DSCAML1: variants seen among roughly 807,000 people sequenced by gnomAD.
The protein encoded by DSCAML1 is DS cell adhesion molecule like 1.
DSCAML1 carries 38 observed loss-of-function variants against 200.5 expected under a neutral mutation model. That is an observed-to-expected ratio of 0.19 (90% CI 0.15 to 0.25). The LOEUF is 0.25. Ranked by LOEUF, DSCAML1 falls within the 10% of genes least tolerant of loss-of-function variation. The probability of loss-of-function intolerance (pLI) is 1.00; values close to 1 mark genes in which losing one functional copy is unlikely to be tolerated. For synonymous variants in DSCAML1, 1,215 were observed against 1,165.0 expected (o/e 1.04, Z -0.87); for missense variants, 2,223 against 2,858.8 (o/e 0.78, Z 5.07).
chr11:117,511,567 AGACAAATACCAGCCATCCCTG>A lies in DSCAML1; in HGVS notation c.1783+4879_1783+4899del, dbSNP rs1166749638. Among the ~76,000 whole-genome samples the A allele has an allele frequency of 6.6e-5, 10 of 152,248 alleles. No individual in the cohort carries two copies. The Middle Eastern group carries it at 0.014, about 207-fold the overall frequency. Reference sequence around the variant, plus strand: ...GCCAAGGATTTCTCCGGATGACCAGAGACAAATACCAGCCATCCCTGCAGCCTGGCTCTCCACTGCCAGCCA... The same window carrying A: ...GCCAAGGATTTCTCCGGATGACCAGACAGCCTGGCTCTCCACTGCCAGCCA... On this transcript the variant is annotated intron_variant, in intron 8 of 32. Transcript: ENST00000651296.
At chr11:117,623,250 C>G (rs1422023198) in intron 3 of DSCAML1, among the ~76,000 whole-genome samples, 1 of 120,526 alleles carries the variant, frequency 8.3e-6, no homozygotes, top group South Asian at 2.6e-4. Flanking sequence ...GAGTTTTGCT[C>G]TGTCACTCAG....
chr11:117,508,857 C>T (rs11216432), intron 8 of DSCAML1, among the ~76,000 whole-genome samples: 17,550 of 152,118 alleles, frequency 0.12, 1,538 homozygotes, highest in African/African-American at 0.25. Context: ...AGGCCAGAGC[C>T]AGTGGATAGA....
At chr11:117,787,413 TCTG>T (rs1340033544) in intron 1 of DSCAML1, among the ~76,000 whole-genome samples, 1 of 150,716 alleles carries the variant, frequency 6.6e-6, no homozygotes, top group Non-Finnish European at 1.5e-5. Context: ...ACTGCTCACC[TCTG>T]ATGATAATAA....
chr11:117,435,861 C>G, intron 26 of DSCAML1, 62 bp from the exon 27 acceptor site: 1 of 1,538,224 alleles, frequency 6.5e-7, no homozygotes, highest in Non-Finnish European at 8.9e-7. Context: ...TGCAGAACAT[C>G]TCATGGGTGG....
At chr11:117,540,141 A>G (rs1176478298) in intron 3 of DSCAML1, among the ~76,000 whole-genome samples, 1 of 152,078 alleles carries the variant, frequency 6.6e-6, no homozygotes, top group Non-Finnish European at 1.5e-5. Context: ...GAAAAGGGGG[A>G]GTTGTTTAAT....
chr11:117,807,501 C>T (rs555870958), intron 1 of DSCAML1, among the ~76,000 whole-genome samples: 1 of 152,278 alleles, frequency 6.6e-6, no homozygotes, highest in African/African-American at 2.4e-5. Context: ...AGAGATTCAC[C>T]GCACTTCTCA....
Position 117,450,574 on chromosome 11 carries a change from CAGA to C in DSCAML1, c.3680_3682del (p.Phe1227del). ...CGGCTGGCCAGACCCGGGGCTGGAA[CAGA>C]AGATGGTGTACTTGCGGATCACCCC... is the stretch of plus-strand genomic sequence containing the variant. On this transcript the variant is annotated inframe_deletion, in exon 20 of 33. Transcript: ENST00000651296. 1 of 1,614,160 alleles carries C rather than the reference CAGA, an allele frequency of 6.2e-7. No homozygotes were observed. The highest frequency in any genetic ancestry group is 8.5e-7 in the Non-Finnish European group (1 of 1,180,024).
chr11:117,798,169 A>C (rs1011705403), upstream of DSCAML1, among the ~76,000 whole-genome samples: 1 of 152,256 alleles, frequency 6.6e-6, no homozygotes, highest in Non-Finnish European at 1.5e-5. Flanking sequence ...AGAATGGCCT[A>C]TGAGCCAGGA....
intron 1 of DSCAML1, among the ~76,000 whole-genome samples, chr11:117,811,900 G>C (rs1251255825): frequency 1.3e-5 from 2 of 152,080 alleles, no homozygotes; most frequent in African/African-American, 4.8e-5. Context: ...TGTTTCCCTT[G>C]CCTCCATAAC....
chr11:117,439,227 C>A, intron 23 of DSCAML1, 39 bp downstream of exon 23: 1 of 1,609,170 alleles, frequency 6.2e-7, no homozygotes, highest in South Asian at 1.1e-5. Flanking sequence ...TTCTCCATCC[C>A]TGTCCCCACC....
intron 3 of DSCAML1, among the ~76,000 whole-genome samples, chr11:117,640,497 T>A (rs545769074): frequency 4.6e-5 from 7 of 152,340 alleles, no homozygotes; most frequent in Middle Eastern, 3.4e-3. Flanking sequence ...AAAGCCAGCC[T>A]CTGGGTTCTG....
At chr11:117,759,195 C>T (rs1355512701) in intron 3 of DSCAML1, among the ~76,000 whole-genome samples, 1 of 152,112 alleles carries the variant, frequency 6.6e-6, no homozygotes, top group Non-Finnish European at 1.5e-5. Context: ...TAAGAAATAC[C>T]CAGGGCATTA....
At position 117,548,578 on chromosome 11, in the gene DSCAML1, G is replaced by A. The variant is rs114189868; in HGVS notation, c.512-16056C>T. 2.4e-3 allele frequency among the ~76,000 whole-genome samples: 366 copies of A among 152,350 alleles called. 1 individual carries two copies. The highest frequency in any genetic ancestry group is 8.6e-3 in the African/African-American group (356 of 41,578). ...GGCCTCAAGTTCCACATTTGGACGG[G>A]GTCATCTTTGTATTCCTAGGTGGGA... On this transcript the variant is annotated intron_variant, in intron 3 of 32. Transcript: ENST00000651296.
chr11:117,477,009 C>T (rs895005007), intron 14 of DSCAML1, among the ~76,000 whole-genome samples: 1 of 152,106 alleles, frequency 6.6e-6, no homozygotes, highest in Non-Finnish European at 1.5e-5. Flanking sequence ...TATGTCATCA[C>T]ACTCCCCAAA....
chr11:117,749,144 G>A (rs73585240), intron 3 of DSCAML1, among the ~76,000 whole-genome samples: 1 of 152,132 alleles, frequency 6.6e-6, no homozygotes. Flanking sequence ...AGAACTACCA[G>A]CTCCTCCTCC....
chr11:117,456,390 A>C (rs2048368969), intron 19 of DSCAML1, among the ~76,000 whole-genome samples: 1 of 152,250 alleles, frequency 6.6e-6, no homozygotes. Flanking sequence ...AAAGCTTCCT[A>C]ACAGACACAA....
chr11:117,450,402 G>T, intron 20 of DSCAML1, 147 bp downstream of exon 20: 1 of 1,127,180 alleles, frequency 8.9e-7, no homozygotes, highest in East Asian at 2.5e-5. Context: ...CGGCCACTCT[G>T]GGTGGCCAGT....
rs536569196 is a variant in DSCAML1 at position 117,620,057 on chromosome 11, G to T, written c.512-87535C>A. Among the ~76,000 whole-genome samples, 14 of 152,266 alleles carry T rather than the reference G, an allele frequency of 9.2e-5. No homozygotes were observed. The South Asian group carries it at 2.9e-3, about 32-fold the overall frequency. On this transcript the variant is annotated intron_variant, in intron 3 of 32. Coordinates refer to ENST00000651296, the MANE Select transcript of DSCAML1 (RefSeq NM_020693.4). ...TTTCGTGAAACATCTTTAGTACGGT[G>T]CTTGGTACACTGGAGACAATAAACA... is the stretch of plus-strand genomic sequence containing the variant.
chr11:117,767,428 T>G (rs1246387322), intron 3 of DSCAML1, among the ~76,000 whole-genome samples: 1 of 152,208 alleles, frequency 6.6e-6, no homozygotes, highest in African/African-American at 2.4e-5. Context: ...CTTGCCACTA[T>G]GAGTATCATC....
Sources: gnomAD v4.1 joint callset for allele counts (sites outside exome capture counted in the v4.1 genomes callset) on GRCh38, gnomAD v4.1.1 for gene constraint, MANE v1.5 for transcripts, NCBI Gene and HGNC (gene_info 2026-07-23, HGNC 2026-07-21) for gene names.